The following MTHFD1L variants were observed in gnomAD, a reference collection of about 807,000 sequenced individuals.
MTHFD1L encodes the protein methylenetetrahydrofolate dehydrogenase (NADP+ dependent) 1 like.
In MTHFD1L, 81 loss-of-function variants were observed where a neutral mutation model predicts 119.5. The observed-to-expected ratio is 0.68, with a 90% CI of 0.57 to 0.82. MTHFD1L has a LOEUF of 0.82. Among genes scored for constraint, MTHFD1L ranks in the 40% least tolerant of loss-of-function variants. The probability of loss-of-function intolerance (pLI) is 0.00; values close to 1 mark genes in which losing one functional copy is unlikely to be tolerated. For missense variants in MTHFD1L, 1,125 were observed against 1,253.4 expected (o/e 0.90, Z 1.55); for synonymous variants, 430 against 475.2 (o/e 0.90, Z 1.24).
intron 19 of MTHFD1L, among the ~76,000 whole-genome samples, chr6:150,968,807 G>A (rs1455532484): frequency 6.7e-6 from 1 of 148,378 alleles, no homozygotes; most frequent in Non-Finnish European, 1.5e-5. Flanking sequence ...GAGCCACCAT[G>A]CCCCAGCCAG....
chr6:150,993,243 C>T (rs1037216578), intron 20 of MTHFD1L, among the ~76,000 whole-genome samples: 2 of 151,748 alleles, frequency 1.3e-5, no homozygotes, highest in Admixed American at 6.6e-5. Flanking sequence ...TTTTTTCTTC[C>T]AAAAAACCAT....
chr6:150,931,465 T>C (rs923324550), intron 11 of MTHFD1L, among the ~76,000 whole-genome samples: 3 of 152,128 alleles, frequency 2.0e-5, no homozygotes, highest in African/African-American at 7.2e-5. Context: ...AAAACAGAGG[T>C]ATTTAGAAGA....
chr6:150,934,832 A>T, intron 11 of MTHFD1L: 3 of 1,126,096 alleles, frequency 2.7e-6, no homozygotes, highest in Non-Finnish European at 3.7e-6. Context: ...CCTCGTAGAA[A>T]TGCCTGCCAA....
At chr6:151,083,083 G>C (rs768166443) in intron 26 of MTHFD1L, among the ~76,000 whole-genome samples, 2 of 152,182 alleles carry the variant, frequency 1.3e-5, no homozygotes, top group East Asian at 1.9e-4. Context: ...AGTCTCTCCC[G>C]ACTCACTTGT....
chr6:150,985,660 C>CAAAAAAAAAAAA (rs71014533), intron 20 of MTHFD1L, among the ~76,000 whole-genome samples: 3 of 78,968 alleles, frequency 3.8e-5, no homozygotes, highest in Admixed American at 1.4e-4. Flanking sequence ...GACTCTGTCT[C>CAAAAAAAAAAAA]AAAAAAAAAA....
chr6:150,995,058 A>C (rs1351639836), intron 20 of MTHFD1L, among the ~76,000 whole-genome samples: 1 of 152,094 alleles, frequency 6.6e-6, no homozygotes, highest in Non-Finnish European at 1.5e-5. Context: ...TGTCAGGCTG[A>C]GGACATCTCA....
At chr6:151,023,257 G>A (rs1168620601) in intron 24 of MTHFD1L, among the ~76,000 whole-genome samples, 1 of 151,924 alleles carries the variant, frequency 6.6e-6, no homozygotes, top group Non-Finnish European at 1.5e-5. Context: ...ATGTTGGCTG[G>A]GCTGGTCTCG....
At chr6:150,927,676 C>T (rs1191999094) in intron 11 of MTHFD1L, among the ~76,000 whole-genome samples, 1 of 151,974 alleles carries the variant, frequency 6.6e-6, no homozygotes, top group Admixed American at 6.6e-5. Flanking sequence ...AGGCTTTTCT[C>T]GAACTCCTGA....
Position 151,061,863 on chromosome 6 carries a change from A to G in MTHFD1L, c.2847+24746A>G, listed in dbSNP as rs562703490. 4.6e-5 allele frequency among the ~76,000 whole-genome samples: 7 copies of G among 152,334 alleles called. No homozygotes were observed. In the East Asian group the frequency reaches 1.3e-3, roughly 29 times the overall value. ...ATGTGGCTTGGTTGCACATTTTTCT[A>G]TTTCAAGTCTGTTACTCCTTCCATC... On this transcript the variant is annotated intron_variant, in intron 26 of 27. Transcript: ENST00000367321.
intron 18 of MTHFD1L, among the ~76,000 whole-genome samples, chr6:150,964,032 G>A (rs956657497): frequency 6.6e-6 from 1 of 152,184 alleles, no homozygotes; most frequent in Admixed American, 6.5e-5. Flanking sequence ...AGCCGTGTGT[G>A]GTGGTGCATG....
intron 24 of MTHFD1L, among the ~76,000 whole-genome samples, chr6:151,028,439 GA>G (rs1328357644): frequency 6.6e-6 from 1 of 152,136 alleles, no homozygotes; most frequent in African/African-American, 2.4e-5. Context: ...TGTCAGCGGG[GA>G]TCAGCTAAAT....
At chr6:150,941,531 G>A (rs1793111532) in intron 13 of MTHFD1L, among the ~76,000 whole-genome samples, 1 of 152,162 alleles carries the variant, frequency 6.6e-6, no homozygotes, top group Admixed American at 6.5e-5. Context: ...AGTAGCCTAG[G>A]GAAAGATGTC....
chr6:151,035,937 T>C (rs1786096999), intron 25 of MTHFD1L, among the ~76,000 whole-genome samples: 2 of 152,180 alleles, frequency 1.3e-5, no homozygotes, highest in African/African-American at 4.8e-5. Context: ...AAGACAGTTG[T>C]GATTGTCACT....
chr6:151,002,937 A>G (rs1383582749), intron 20 of MTHFD1L, among the ~76,000 whole-genome samples: 1 of 152,134 alleles, frequency 6.6e-6, no homozygotes, highest in African/African-American at 2.4e-5. Context: ...TAGGATATTT[A>G]GCAGCATCCT....
At chr6:150,972,653 C>T (rs967028623) in intron 20 of MTHFD1L, among the ~76,000 whole-genome samples, 2 of 152,220 alleles carry the variant, frequency 1.3e-5, no homozygotes, top group Non-Finnish European at 1.5e-5. Flanking sequence ...AGCCCCTGCT[C>T]CTGTGGAGCG....
chr6:151,035,263 C>T (rs1385621442), intron 25 of MTHFD1L, among the ~76,000 whole-genome samples: 1 of 152,134 alleles, frequency 6.6e-6, no homozygotes, highest in Non-Finnish European at 1.5e-5. Flanking sequence ...GGCTCAGCCA[C>T]CTTCACCAAA....
At chr6:151,048,979 G>A (rs917454665) in intron 26 of MTHFD1L, among the ~76,000 whole-genome samples, 6 of 152,112 alleles carry the variant, frequency 3.9e-5, no homozygotes, top group South Asian at 2.1e-4. Flanking sequence ...ACAGATTGAC[G>A]GCTCAGTCCC....
intron 24 of MTHFD1L, among the ~76,000 whole-genome samples, chr6:151,021,187 C>A (rs975495332): frequency 6.6e-6 from 1 of 152,192 alleles, no homozygotes; most frequent in Admixed American, 6.5e-5. Flanking sequence ...GACAGTGACA[C>A]CAACTTCACC....
At chr6:150,911,095 T>C (rs1193670186) in intron 8 of MTHFD1L, among the ~76,000 whole-genome samples, 2 of 152,210 alleles carry the variant, frequency 1.3e-5, no homozygotes, top group African/African-American at 2.4e-5. Context: ...CTGAAGTATA[T>C]TGCCAGTTTT....
Sources: allele counts gnomAD v4.1 joint callset (sites outside exome capture counted in the v4.1 genomes callset), GRCh38; gene constraint gnomAD v4.1.1; transcripts MANE v1.5; gene names NCBI Gene and HGNC (gene_info 2026-07-23, HGNC 2026-07-21).